The following STX12 variants were observed in gnomAD, a reference collection of about 807,000 sequenced individuals.
The protein encoded by STX12 is syntaxin 12.
Under a neutral mutation model 42.2 loss-of-function variants are expected in STX12, and 17 were observed. The observed-to-expected ratio is 0.40, with a 90% CI of 0.28 to 0.60. The LOEUF (loss-of-function observed/expected upper bound fraction) is 0.60, where lower values mean the gene tolerates loss of function less well. Among genes scored for constraint, STX12 ranks in the 20% least tolerant of loss-of-function variants. The pLI is 0.39. For synonymous variants in STX12, 108 were observed against 116.7 expected (o/e 0.93, Z 0.48); for missense variants, 297 against 330.9 (o/e 0.90, Z 0.79).
intron 4 of STX12, among the ~76,000 whole-genome samples, chr1:27,802,265 G>T (rs2088832797): frequency 6.6e-6 from 1 of 152,118 alleles, no homozygotes; most frequent in Non-Finnish European, 1.5e-5. Flanking sequence ...AACTGCTTTT[G>T]CATTGAATGT....
At chr1:27,801,976 C>G (rs1301072917) in intron 4 of STX12, 161 bp downstream of exon 4, 1 of 638,646 alleles carries the variant, frequency 1.6e-6, no homozygotes, top group Non-Finnish European at 2.4e-6. Flanking sequence ...TGCATGTGAT[C>G]AAAGCCTAGA....
chr1:27,810,295 A>G lies in STX12; in HGVS notation c.470+6A>G. ...CAGCTGGTCTCATTTGACAGGTAAT[A>G]GAATTATTCATACAACCTGCTGGAT... is the stretch of plus-strand genomic sequence containing the variant. On this transcript the variant is annotated splice_donor_region_variant and intron_variant, in intron 5 of 8. Coordinates refer to ENST00000373943, the MANE Select transcript of STX12 (RefSeq NM_177424.3). The G allele has an allele frequency of 2.5e-6, 4 of 1,611,636 alleles. No homozygotes were observed. Among genetic ancestry groups the G allele is most frequent in the Non-Finnish European group, 3.4e-6 (4 of 1,178,024 alleles).
intron 1 of STX12, among the ~76,000 whole-genome samples, chr1:27,787,275 A>G (rs1447200990): frequency 6.6e-6 from 1 of 152,192 alleles, no homozygotes; most frequent in Non-Finnish European, 1.5e-5. Flanking sequence ...ACTTACTACT[A>G]AGGACTGAGT....
chr1:27,779,611 C>T (rs993760564), intron 1 of STX12, among the ~76,000 whole-genome samples: 1 of 152,126 alleles, frequency 6.6e-6, no homozygotes, highest in Non-Finnish European at 1.5e-5. Flanking sequence ...GGATTACAGG[C>T]ATGAGCCACC....
chr1:27,799,485 T>C (rs992501585), intron 3 of STX12, among the ~76,000 whole-genome samples: 1 of 148,998 alleles, frequency 6.7e-6, no homozygotes, highest in Admixed American at 6.6e-5. Flanking sequence ...TTGTTTTTTT[T>C]TTTGTTTTTT....
intron 2 of STX12, among the ~76,000 whole-genome samples, chr1:27,793,185 G>A (rs780999402): frequency 2.6e-5 from 4 of 152,230 alleles, no homozygotes; most frequent in Non-Finnish European, 5.9e-5. Flanking sequence ...AGAGAGTTCA[G>A]TATGTTTAAA....
intron 8 of STX12, 130 bp from the exon 9 acceptor site, chr1:27,822,101 T>G: frequency 1.6e-6 from 1 of 638,098 alleles, no homozygotes; most frequent in Admixed American, 2.5e-5. Context: ...GGAAAGTCTG[T>G]GCATAATTTT....
chr1:27,822,538 G>A lies in STX12; in HGVS notation c.*209G>A, dbSNP rs1449786363. The A allele has an allele frequency of 2.2e-6, 1 of 450,012 alleles. No homozygotes were observed. The allele number at this position is 450,012 out of a possible 1,614,324, so 27.9% of individuals were successfully genotyped here. ...TTGATTCTATTGATTTCTCAAATTA[G>A]GAATTAACTTATGTGGATTTTGCTT... On this transcript the variant is annotated 3_prime_UTR_variant, in exon 9 of 9. Coordinates refer to ENST00000373943, the MANE Select transcript of STX12 (RefSeq NM_177424.3).
At chr1:27,782,092 G>A (rs1449654981) in intron 1 of STX12, among the ~76,000 whole-genome samples, 4 of 150,654 alleles carry the variant, frequency 2.7e-5, no homozygotes, top group Non-Finnish European at 5.9e-5. Context: ...ATAGGCATAA[G>A]CAGTGGTTTT....
chr1:27,795,638 C>A (rs1183042781), intron 3 of STX12, among the ~76,000 whole-genome samples: 1 of 150,894 alleles, frequency 6.6e-6, no homozygotes, highest in East Asian at 1.9e-4. Flanking sequence ...AAATCTCTGT[C>A]AAAAAAAAAT....
In STX12 at chr1:27,824,416, G is replaced by A. The variant is rs369575799; in HGVS notation, c.*2087G>A. ...GGTAGTTGCCAAAGAGGTTCTCCTA[G>A]GTGGTCTTAATAAACCTATTCACAG... On this transcript the variant is annotated 3_prime_UTR_variant, in exon 9 of 9. Coordinates refer to ENST00000373943, the MANE Select transcript of STX12 (RefSeq NM_177424.3). The A allele has an allele frequency of 1.3e-5, 2 of 152,104 alleles. No homozygotes were observed. Among genetic ancestry groups the A allele is most frequent in the African/African-American group, 4.8e-5 (2 of 41,422 alleles). The allele number at this position is 152,104 out of a possible 1,614,324, so 9.4% of individuals were successfully genotyped here.
intron 4 of STX12, among the ~76,000 whole-genome samples, chr1:27,802,919 A>AAAGT (rs1208387661): frequency 4.6e-5 from 7 of 152,256 alleles, no homozygotes; most frequent in African/African-American, 1.7e-4. Context: ...AAGATTTGAA[A>AAAGT]AAGTGTCAAA....
intron 7 of STX12, among the ~76,000 whole-genome samples, chr1:27,819,441 G>A (rs909561615): frequency 6.6e-6 from 1 of 151,522 alleles, no homozygotes; most frequent in Non-Finnish European, 1.5e-5. Context: ...TCATTTATGG[G>A]TAAGTTAAAT....
Position 27,801,686 on chromosome 1 carries a change from G to T in STX12, c.297G>T (p.Gln99His). ...LPLSTSEQRQ[Q>H]RLQKERLMND... is the part of the protein sequence containing the mutation. ...TTGCTTGATTTCCTTAGCGCCAGCAGAGACTTCAGAAGGAACGCCTCATGA... is the reference window on the plus strand; with the variant it reads ...TTGCTTGATTTCCTTAGCGCCAGCATAGACTTCAGAAGGAACGCCTCATGA... Residue 99 changes from glutamine to histidine, a missense_variant, in exon 4 of 9, where the codon CAG becomes CAT. By Grantham distance (24) the Gln-to-His change is conservative (BLOSUM62 0). Coordinates refer to ENST00000373943, the MANE Select transcript of STX12 (RefSeq NM_177424.3). 6.6e-7 allele frequency: 1 copy of T among 1,518,856 alleles called. No individual in the cohort carries two copies. Among genetic ancestry groups the T allele is most frequent in the South Asian group, 1.3e-5 (1 of 75,792 alleles). The allele number at this position is 1,518,856 out of a possible 1,614,324, so 94.1% of individuals were successfully genotyped here.
chr1:27,818,904 G>A (rs2088963024), intron 7 of STX12, among the ~76,000 whole-genome samples: 1 of 152,046 alleles, frequency 6.6e-6, no homozygotes, highest in Non-Finnish European at 1.5e-5. Context: ...TGGGATTACA[G>A]GCGTGAGCCA....
chr1:27,777,994 G>C (rs1054323332), intron 1 of STX12, among the ~76,000 whole-genome samples: 1 of 152,112 alleles, frequency 6.6e-6, no homozygotes, highest in African/African-American at 2.4e-5. Flanking sequence ...TATCAAGCTA[G>C]TGCCTATCCC....
intron 2 of STX12, among the ~76,000 whole-genome samples, chr1:27,792,240 GTATCTATATATATGTAGATA>G (rs2088751452): frequency 4.3e-5 from 5 of 115,556 alleles, no homozygotes; most frequent in Non-Finnish European, 6.8e-5. Flanking sequence ...ACATATATAT[GTATCTATATATATGTAGATA>G]CATATATATG....
chr1:27,812,924 A>G (rs564215447), intron 6 of STX12, among the ~76,000 whole-genome samples: 2 of 152,134 alleles, frequency 1.3e-5, no homozygotes, highest in South Asian at 4.2e-4. Flanking sequence ...CTCAATGCCA[A>G]CCTCCGGGTT....
chr1:27,808,947 T>A (rs1365256671), intron 4 of STX12, among the ~76,000 whole-genome samples: 1 of 152,228 alleles, frequency 6.6e-6, no homozygotes, highest in Admixed American at 6.5e-5. Flanking sequence ...TCAGAGTTAT[T>A]GTAAGAATTA....
Sources: allele counts gnomAD v4.1 joint callset (sites outside exome capture counted in the v4.1 genomes callset), GRCh38; gene constraint gnomAD v4.1.1; transcripts MANE v1.5; gene names NCBI Gene and HGNC (gene_info 2026-07-23, HGNC 2026-07-21).